CPED1: variants seen among roughly 807,000 people sequenced by gnomAD.
CPED1 encodes the protein cadherin like and PC-esterase domain containing 1.
A neutral mutation model predicts 128.2 loss-of-function variants in CPED1; 114 were observed. The observed-to-expected ratio is 0.89, with a 90% CI of 0.76 to 1.04. The LOEUF is 1.04. Among genes scored for constraint, CPED1 ranks in the 50% least tolerant of loss-of-function variants. CPED1 has a pLI of 0.00. For missense variants in CPED1, 1,211 were observed against 1,207.1 expected, an observed-to-expected ratio of 1.00 and a Z score of -0.05; for synonymous variants, 462 against 426.7, an observed-to-expected ratio of 1.08 and a Z score of -1.02.
At chr7:121,168,434 A>T (rs1293439280) in intron 16 of CPED1, among the ~76,000 whole-genome samples, 1 of 152,190 alleles carries the variant, frequency 6.6e-6, no homozygotes, top group Non-Finnish European at 1.5e-5. Context: ...GGTTCTGCAT[A>T]ATTTTAATTT....
chr7:121,261,724 C>A, intron 18 of CPED1: 1 of 1,598,956 alleles, frequency 6.3e-7, no homozygotes, highest in South Asian at 1.1e-5. Flanking sequence ...TGCCCCACCC[C>A]TGCACATAAA....
Position 121,149,736 on chromosome 7 carries a change from CAGAAAT to C in CPED1, c.2055+7601_2055+7606del, listed in dbSNP as rs1796108976. On this transcript the variant is annotated intron_variant, in intron 16 of 22. Coordinates refer to ENST00000310396, the MANE Select transcript of CPED1 (RefSeq NM_024913.5). Reference sequence around the variant, plus strand: ...TGTCTTCTGATTTCTGAACTGGACACAGAAATAGAAAGGAACCTGAGAGGTTTTTTT... The same window carrying C: ...TGTCTTCTGATTTCTGAACTGGACACAGAAAGGAACCTGAGAGGTTTTTTT... The C allele has an allele frequency of 7.0e-5, 5 of 70,948 alleles. No homozygotes were observed. In the South Asian group the frequency reaches 3.7e-3, roughly 53 times the overall value. The allele number at this position is 70,948 out of a possible 1,614,324, so 4.4% of individuals were successfully genotyped here. A position where few individuals can be genotyped will look rare whatever the true frequency, so the allele number is the denominator to read the frequency against.
chr7:121,100,173 C>T (rs1412911056), intron 7 of CPED1, 79 bp downstream of exon 7: 1 of 1,202,442 alleles, frequency 8.3e-7, no homozygotes, highest in South Asian at 1.4e-5. Context: ...CATTTTCCCA[C>T]CTTTATGGTT....
intron 7 of CPED1, 131 bp downstream of exon 7, chr7:121,100,225 G>T: frequency 7.7e-6 from 6 of 783,798 alleles, no homozygotes; most frequent in South Asian, 4.1e-5. Context: ...TTTTATTGCC[G>T]CAAGAAAAGA....
At chr7:121,289,297 A>AT (rs1357064807) in intron 22 of CPED1, among the ~76,000 whole-genome samples, 8 of 152,162 alleles carry the variant, frequency 5.3e-5, no homozygotes, top group African/African-American at 2.4e-5. Context: ...TTATTGTTTC[A>AT]TTTTTTCTTC....
At chr7:121,257,385 T>A (rs758320597) in intron 18 of CPED1, among the ~76,000 whole-genome samples, 3 of 152,128 alleles carry the variant, frequency 2.0e-5, no homozygotes, top group African/African-American at 4.8e-5. Context: ...TATTTCTGTA[T>A]GATTTTCATT....
chr7:121,282,499 C>T (rs758523642), intron 22 of CPED1, among the ~76,000 whole-genome samples: 16 of 152,214 alleles, frequency 1.1e-4, no homozygotes, highest in East Asian at 3.9e-4. Context: ...CATCTTTCAC[C>T]GGAATAACAT....
At chr7:121,292,393 A>G (rs6961083) in intron 22 of CPED1, among the ~76,000 whole-genome samples, 63,963 of 151,176 alleles carry the variant, frequency 0.42, 14,367 homozygotes, top group African/African-American at 0.57. Flanking sequence ...CTCTAAACTC[A>G]TTATTTTAGT....
intron 16 of CPED1, among the ~76,000 whole-genome samples, chr7:121,163,773 C>T (rs1256582182): frequency 2.0e-5 from 3 of 152,146 alleles, no homozygotes. Context: ...TATGGAGCCT[C>T]ACAACAAGAC....
intron 7 of CPED1, among the ~76,000 whole-genome samples, chr7:121,106,291 A>G (rs570265730): frequency 6.6e-6 from 1 of 152,210 alleles, no homozygotes; most frequent in South Asian, 2.1e-4. Context: ...TAATTAACTA[A>G]CATAATGCTT....
At chr7:121,192,841 A>G (rs1797176260) in intron 16 of CPED1, among the ~76,000 whole-genome samples, 1 of 152,178 alleles carries the variant, frequency 6.6e-6, no homozygotes. Flanking sequence ...ATTTTAAGAC[A>G]GACAAAATAG....
chr7:121,096,119 T>C (rs1467867175), intron 5 of CPED1, among the ~76,000 whole-genome samples: 1 of 152,180 alleles, frequency 6.6e-6, no homozygotes, highest in Non-Finnish European at 1.5e-5. Flanking sequence ...ACTTAATGGC[T>C]GTTCATTCAT....
chr7:121,221,838 T>C (rs888158496), intron 16 of CPED1, among the ~76,000 whole-genome samples: 16 of 152,332 alleles, frequency 1.1e-4, no homozygotes, highest in Non-Finnish European at 1.6e-4. Context: ...TTAAGATCTT[T>C]GTAGATTCTG....
intron 7 of CPED1, among the ~76,000 whole-genome samples, chr7:121,103,479 T>C (rs988091026): frequency 6.6e-6 from 1 of 152,166 alleles, no homozygotes; most frequent in Non-Finnish European, 1.5e-5. Flanking sequence ...AACAAATAGA[T>C]TATAACTCAT....
chr7:121,192,125 A>G (rs1797154636), intron 16 of CPED1, among the ~76,000 whole-genome samples: 2 of 152,028 alleles, frequency 1.3e-5, no homozygotes, highest in Non-Finnish European at 2.9e-5. Context: ...ATTAACTACC[A>G]TGTCCACTGG....
At chr7:121,280,564 C>G (rs1792442611) in intron 22 of CPED1, among the ~76,000 whole-genome samples, 1 of 152,126 alleles carries the variant, frequency 6.6e-6, no homozygotes, top group African/African-American at 2.4e-5. Flanking sequence ...AAAACTCATT[C>G]CTAAAGAAAG....
In CPED1 at chr7:121,233,963, T is replaced by C. The variant is rs73438222; in HGVS notation, c.2056-2751T>C. On this transcript the variant is annotated intron_variant, in intron 16 of 22. Coordinates refer to ENST00000310396, the MANE Select transcript of CPED1 (RefSeq NM_024913.5). ...CTGCTCATTCTCAGGCTTACATTCA[T>C]ATTCTAAGCAGAAAGAGGAAACAGA... Among the ~76,000 whole-genome samples, 1,247 of 152,172 alleles carry C rather than the reference T, an allele frequency of 8.2e-3. 12 individuals are homozygous for C. The highest frequency in any genetic ancestry group is 0.027 in the African/African-American group (1,127 of 41,548).
chr7:121,224,714 C>T (rs9768732), intron 16 of CPED1, among the ~76,000 whole-genome samples: 149,271 of 151,308 alleles, frequency 0.99, 73,668 homozygotes, highest in Middle Eastern at 1. Context: ...CATTATGTAA[C>T]GGCCTTGTTT....
chr7:121,192,430 T>A (rs983513020), intron 16 of CPED1, among the ~76,000 whole-genome samples: 6 of 152,124 alleles, frequency 3.9e-5, no homozygotes, highest in Non-Finnish European at 8.8e-5. Flanking sequence ...ACACTTCTGG[T>A]TCCAAATATT....
Sources: allele counts gnomAD v4.1 joint callset (sites outside exome capture counted in the v4.1 genomes callset), GRCh38; gene constraint gnomAD v4.1.1; transcripts MANE v1.5; gene names NCBI Gene and HGNC (gene_info 2026-07-23, HGNC 2026-07-21).